ANKFN1: variants seen among roughly 807,000 people sequenced by gnomAD.
ANKFN1 encodes the protein ankyrin repeat and fibronectin type III domain containing 1, also known as ankyrin repeat and fibronectin type-III domain-containing protein 1.
Under a neutral mutation model 108.7 loss-of-function variants are expected in ANKFN1, and 74 were observed. That is an observed-to-expected ratio of 0.68 (90% confidence interval 0.56 to 0.83). The LOEUF (loss-of-function observed/expected upper bound fraction) is 0.83, where lower values mean the gene tolerates loss of function less well. ANKFN1 is among the 40% of genes least tolerant of loss of function. ANKFN1 has a pLI of 0.00. For missense variants in ANKFN1, 1,505 were observed against 1,382.3 expected (o/e 1.09, Z -1.41); for synonymous variants, 547 against 516.2 (o/e 1.06, Z -0.81).
intron 19 of ANKFN1, among the ~76,000 whole-genome samples, chr17:56,497,418 G>GA (rs2051233926): frequency 1.3e-5 from 2 of 152,066 alleles, no homozygotes; most frequent in African/African-American, 4.8e-5. Flanking sequence ...GAAAGCAGGG[G>GA]AAAACGGCTG....
chr17:56,492,699 T>G (rs759121373), intron 19 of ANKFN1, among the ~76,000 whole-genome samples: 1 of 152,082 alleles, frequency 6.6e-6, no homozygotes, highest in Non-Finnish European at 1.5e-5. Flanking sequence ...GAAAGAAAAA[T>G]TGTATTAATT....
At chr17:56,333,267 T>C (rs558833706) in intron 4 of ANKFN1, among the ~76,000 whole-genome samples, 63 of 152,242 alleles carry the variant, frequency 4.1e-4, no homozygotes, top group African/African-American at 1.5e-3. Context: ...GCTTAGTCTT[T>C]ACTCATTAAG....
chr17:56,378,167 C>T (rs2046993439), intron 8 of ANKFN1, among the ~76,000 whole-genome samples: 1 of 152,186 alleles, frequency 6.6e-6, no homozygotes, highest in Admixed American at 6.5e-5. Context: ...AGTGACCAGG[C>T]CCATATCTCT....
At chr17:56,385,707 A>C (rs1407865231) in intron 8 of ANKFN1, among the ~76,000 whole-genome samples, 1 of 152,216 alleles carries the variant, frequency 6.6e-6, no homozygotes, top group Non-Finnish European at 1.5e-5. Flanking sequence ...GTAGCCAAAA[A>C]ACACATGAAA....
At chr17:56,399,369 A>C (rs1052001554) in intron 8 of ANKFN1, among the ~76,000 whole-genome samples, 11 of 152,146 alleles carry the variant, frequency 7.2e-5, no homozygotes, top group Admixed American at 7.2e-4. Flanking sequence ...GAGAACTTCA[A>C]CAAAAACAAC....
intron 3 of ANKFN1, among the ~76,000 whole-genome samples, chr17:56,299,741 C>T (rs1256289454): frequency 6.6e-6 from 1 of 152,132 alleles, no homozygotes; most frequent in African/African-American, 2.4e-5. Flanking sequence ...TGAGATACTA[C>T]ATGTAAAGGG....
At chr17:56,154,642 CAAAAA>C (rs60522690) in intron 1 of ANKFN1, among the ~76,000 whole-genome samples, 1 of 134,070 alleles carries the variant, frequency 7.5e-6, no homozygotes, top group African/African-American at 2.8e-5. Context: ...ATGCCAACAC[CAAAAA>C]AAAAAAAAAA....
At chr17:56,280,008 C>CTTTTTTTTTTTTTTTTTTTTTTT (rs3086033) in intron 3 of ANKFN1, among the ~76,000 whole-genome samples, 12 of 134,856 alleles carry the variant, frequency 8.9e-5, no homozygotes, top group African/African-American at 3.2e-4. Flanking sequence ...CACATAATGT[C>CTTTTTTTTTTTTTTTTTTTTTTT]TTTTTTTTTT....
At chr17:56,467,838 GAAAGAAAGAAAGAA>G (rs71139911) in intron 15 of ANKFN1, among the ~76,000 whole-genome samples, 20,464 of 63,112 alleles carry the variant, frequency 0.32, 2,183 homozygotes, top group East Asian at 0.52. Context: ...AAGAAAGAAA[GAAAGAAAGAAAGAA>G]AAAGGGAAAG....
rs183512643 is a variant in ANKFN1 at position 56,332,471 on chromosome 17, G to A, written c.188+6116G>A. Among the ~76,000 whole-genome samples, 5 of 152,224 alleles carry A rather than the reference G, an allele frequency of 3.3e-5. No individual in the cohort carries two copies. In the East Asian group the frequency reaches 9.7e-4, roughly 29 times the overall value. ...TTTCAGGTTAATTTTTGTATATGATGTGAAATAGGGATTGAGGGTTTTTAC... is the reference window on the plus strand; with the variant it reads ...TTTCAGGTTAATTTTTGTATATGATATGAAATAGGGATTGAGGGTTTTTAC... On this transcript the variant is annotated intron_variant, in intron 4 of 20. Coordinates refer to ENST00000682825, the MANE Select transcript of ANKFN1 (RefSeq NM_001370326.1).
intron 3 of ANKFN1, among the ~76,000 whole-genome samples, chr17:56,253,695 C>A (rs2043289064): frequency 6.6e-6 from 1 of 152,038 alleles, no homozygotes; most frequent in Non-Finnish European, 1.5e-5. Context: ...GCCGAGATCA[C>A]CCCGCTGCAC....
At chr17:56,379,272 G>C (rs1008448569) in intron 8 of ANKFN1, among the ~76,000 whole-genome samples, 1 of 151,924 alleles carries the variant, frequency 6.6e-6, no homozygotes, top group African/African-American at 2.4e-5. Context: ...GGTGGCGGGC[G>C]CCTGTAGTCC....
Position 56,109,893 on chromosome 17 carries a change from A to G in ANKFN1, c.288+63568A>G, listed in dbSNP as rs751631453. On this transcript the variant is annotated intron_variant, in intron 4 of 12. Transcript: ENST00000635860. ...ACTTGGGAACTGTTGATATTAGAAC[A>G]CAATGCAGGGCTGGCCAGGCTGGGA... Among the ~76,000 whole-genome samples, 6 of 152,242 alleles carry G rather than the reference A, an allele frequency of 3.9e-5. No homozygotes were observed. In the East Asian group the frequency reaches 9.6e-4, roughly 24 times the overall value.
intron 8 of ANKFN1, among the ~76,000 whole-genome samples, chr17:56,401,877 A>G (rs1171014197): frequency 5.3e-5 from 8 of 152,096 alleles, no homozygotes; most frequent in Admixed American, 5.2e-4. Flanking sequence ...TTGTATGCCA[A>G]TTTTGCTGAG....
intron 6 of ANKFN1, among the ~76,000 whole-genome samples, chr17:56,356,903 G>A (rs1160471733): frequency 1.3e-5 from 2 of 152,112 alleles, no homozygotes; most frequent in South Asian, 2.1e-4. Flanking sequence ...TCACTTACCT[G>A]CGACACTACA....
intron 3 of ANKFN1, among the ~76,000 whole-genome samples, chr17:56,239,576 C>G (rs933064113): frequency 1.3e-5 from 2 of 152,220 alleles, no homozygotes; most frequent in African/African-American, 2.4e-5. Context: ...CAGAGCTGCT[C>G]TCTTCTCTCT....
intron 6 of ANKFN1, among the ~76,000 whole-genome samples, chr17:56,359,371 T>C (rs886373325): frequency 6.6e-6 from 1 of 152,226 alleles, no homozygotes; most frequent in Non-Finnish European, 1.5e-5. Flanking sequence ...TGGTTGTAGA[T>C]GTAGCCTAGT....
chr17:56,261,026 G>T (rs1024281270), intron 3 of ANKFN1, among the ~76,000 whole-genome samples: 5 of 152,104 alleles, frequency 3.3e-5, no homozygotes, highest in African/African-American at 1.2e-4. Flanking sequence ...TCCCTAAATG[G>T]GTTCTGCATC....
At chr17:56,289,821 A>G (rs771564486) in intron 3 of ANKFN1, among the ~76,000 whole-genome samples, 3 of 152,212 alleles carry the variant, frequency 2.0e-5, no homozygotes, top group Non-Finnish European at 4.4e-5. Context: ...CCAAATCCCT[A>G]ATATGGAGTA....
Sources: gnomAD v4.1 joint callset for allele counts (sites outside exome capture counted in the v4.1 genomes callset) on GRCh38, gnomAD v4.1.1 for gene constraint, MANE v1.5 for transcripts, NCBI Gene and HGNC (gene_info 2026-07-23, HGNC 2026-07-21) for gene names.